The following FCRL4 variants were observed in gnomAD, a reference collection of about 807,000 sequenced individuals.
FCRL4 encodes the protein Fc receptor-like protein 4.
Under a neutral mutation model 64.1 loss-of-function variants are expected in FCRL4, and 43 were observed. That is an observed-to-expected ratio of 0.67 (90% CI 0.53 to 0.87). The LOEUF (loss-of-function observed/expected upper bound fraction) is 0.87, where lower values mean the gene tolerates loss of function less well. FCRL4 is among the 40% of genes least tolerant of loss of function. The pLI, the probability that FCRL4 is intolerant of heterozygous loss-of-function variation, is 0.00. For missense variants in FCRL4, 656 were observed against 613.5 expected (o/e 1.07, Z -0.73); for synonymous variants, 253 against 239.8 (o/e 1.05, Z -0.51).
intron 1 of FCRL4, 23 bp from the exon 2 acceptor site, chr1:157,596,371 C>A: frequency 5.6e-6 from 9 of 1,613,758 alleles, no homozygotes; most frequent in Non-Finnish European, 7.6e-6. Context: ...AAAGAGCCAG[C>A]CATCAGCGTA....
intron 6 of FCRL4, among the ~76,000 whole-genome samples, chr1:157,584,387 A>G (rs148970870): frequency 0.011 from 1,649 of 152,016 alleles, 17 homozygotes; most frequent in Non-Finnish European, 0.017. Flanking sequence ...TAAAAAAAAA[A>G]TAGCTGGCCA....
chr1:157,584,377 T>TAA (rs72402109), intron 6 of FCRL4, among the ~76,000 whole-genome samples: 2 of 148,298 alleles, frequency 1.3e-5, no homozygotes, highest in African/African-American at 2.5e-5. Context: ...AAAAATAAAT[T>TAA]AAAAAAAAAA....
intron 8 of FCRL4, among the ~76,000 whole-genome samples, chr1:157,579,710 A>ACATACATG (rs1652515828): frequency 1.8e-5 from 1 of 54,740 alleles, no homozygotes; most frequent in Non-Finnish European, 3.3e-5. Flanking sequence ...ATACATACAT[A>ACATACATG]CATACATACA....
At chr1:157,593,069 C>T (rs1307984968) in intron 2 of FCRL4, among the ~76,000 whole-genome samples, 1 of 152,112 alleles carries the variant, frequency 6.6e-6, no homozygotes, top group Non-Finnish European at 1.5e-5. Flanking sequence ...GGGAGCATCA[C>T]ACACTGGGAC....
chr1:157,574,758 A>T lies in FCRL4; in HGVS notation c.*766T>A, dbSNP rs575699734. On this transcript the variant is annotated 3_prime_UTR_variant, in exon 12 of 12. Coordinates refer to ENST00000271532, the MANE Select transcript of FCRL4 (RefSeq NM_031282.3). Reference sequence around the variant, plus strand: ...TAAAGGCAGAGTTTATTATGAGTTTATACTAATATTTTAAGTTCAAATTTA... The same window carrying T: ...TAAAGGCAGAGTTTATTATGAGTTTTTACTAATATTTTAAGTTCAAATTTA... 4 of 210,622 alleles carry T rather than the reference A, an allele frequency of 1.9e-5. No homozygotes were observed. The highest frequency in any genetic ancestry group is 3.8e-5 in the Non-Finnish European group (4 of 103,920). The allele number at this position is 210,622 out of a possible 1,614,324, so 13.0% of individuals were successfully genotyped here. A position where few individuals can be genotyped will look rare whatever the true frequency, so the allele number is the denominator to read the frequency against.
At chr1:157,579,730 ACATACATACATAC>A (rs1652517970) in intron 8 of FCRL4, among the ~76,000 whole-genome samples, 1 of 151,790 alleles carries the variant, frequency 6.6e-6, no homozygotes, top group African/African-American at 2.4e-5. Flanking sequence ...ATACATACAT[ACATACATACATAC>A]ATACATAAAA....
intron 2 of FCRL4, among the ~76,000 whole-genome samples, chr1:157,593,462 C>CAGTTACAGTATCCA (rs1652883742): frequency 6.6e-6 from 1 of 152,158 alleles, no homozygotes; most frequent in African/African-American, 2.4e-5. Context: ...CAGGTTGTCT[C>CAGTTACAGTATCCA]GCCAGTTACC....
intron 4 of FCRL4, 21 bp from the exon 5 acceptor site, chr1:157,587,581 A>G: frequency 1.2e-6 from 2 of 1,608,592 alleles, no homozygotes; most frequent in Non-Finnish European, 1.7e-6. Flanking sequence ...GAGGTAAGTC[A>G]AGTTCTGAGC....
At position 157,575,713 on chromosome 1, in the gene FCRL4, G is replaced by A. The variant is rs1281982416; in HGVS notation, c.1447C>T (p.Leu483Phe). The change falls in exon 11 of 12, where the codon CTT becomes TTT. Residue 483 changes from leucine (L) to phenylalanine (F), a missense_variant. Transcript: ENST00000271532. The stretch of plus-strand genomic sequence containing the variant: ...ATGAAACTCACCTTATCCTCTAGAA[G>A]TGTCCTGGAGGTATTAGCTGTGGAC... ...EEEEANTSRT[L>F]LEDKDVSVVY... The A allele has an allele frequency of 1.2e-6, 2 of 1,613,786 alleles. No individual in the cohort carries two copies. The highest frequency in any genetic ancestry group is 1.7e-5 in the Admixed American group (1 of 60,008).
chr1:157,590,143 A>C (rs1379429390), intron 2 of FCRL4, among the ~76,000 whole-genome samples: 1 of 152,110 alleles, frequency 6.6e-6, no homozygotes, highest in Non-Finnish European at 1.5e-5. Context: ...TAGTCCACCC[A>C]CCAGAGCTTG....
chr1:157,577,467 A>C (rs1278422564), intron 10 of FCRL4, among the ~76,000 whole-genome samples: 1 of 152,246 alleles, frequency 6.6e-6, no homozygotes, highest in Non-Finnish European at 1.5e-5. Flanking sequence ...ACTAACAGGG[A>C]CTGGATTTAT....
rs1652368976 is a variant in FCRL4, at chr1:157,575,068, C to T, written c.*456G>A. ...TTTGCACAGTGCCTGTGCAGCCACT[C>T]ACAGTTAAACAAACTGATGCAAGTG... is the stretch of plus-strand genomic sequence containing the variant. On this transcript the variant is annotated 3_prime_UTR_variant, in exon 12 of 12. Transcript: ENST00000271532. The T allele has an allele frequency of 3.8e-6, 1 of 260,476 alleles. No individual in the cohort carries two copies. Among genetic ancestry groups the T allele is most frequent in the South Asian group, 1.1e-4 (1 of 9,154 alleles). 16.1% of individuals were successfully genotyped at this position (260,476 alleles called of 1,614,324 possible). A position where few individuals can be genotyped will look rare whatever the true frequency, so the allele number is the denominator to read the frequency against.
At chr1:157,585,535 A>G (rs1652672129) in intron 6 of FCRL4, among the ~76,000 whole-genome samples, 1 of 152,018 alleles carries the variant, frequency 6.6e-6, no homozygotes, top group Non-Finnish European at 1.5e-5. Context: ...AGCTTGGCCC[A>G]GTGTGGCTTC....
chr1:157,587,832 A>G, intron 4 of FCRL4, 33 bp downstream of exon 4: 1 of 1,576,688 alleles, frequency 6.3e-7, no homozygotes, highest in Non-Finnish European at 8.7e-7. Flanking sequence ...CCCTGTCATT[A>G]CTAAGCAAAT....
Position 157,581,517 on chromosome 1 carries a change from A to C in FCRL4, c.1249+14T>G, listed in dbSNP as rs1167153753. On this transcript the variant is annotated intron_variant, in intron 7 of 11. Transcript: ENST00000271532. ...GAACAGGGCAGGAACTGTGGCAAAG[A>C]AAAGAGCACAAACCTGACTTCCTCC... The C allele has an allele frequency of 4.3e-6, 7 of 1,611,344 alleles. No individual in the cohort carries two copies. Among genetic ancestry groups the C allele is most frequent in the Non-Finnish European group, 5.9e-6 (7 of 1,177,814 alleles).
rs112714349 is a variant in FCRL4 at position 157,582,219 on chromosome 1, A to G, written c.1136-575T>C. On this transcript the variant is annotated intron_variant, in intron 6 of 11. Transcript: ENST00000271532. ...ATTGTTAGGGGCTTTTGATATTTCC[A>G]TGGGGTCCGTTCTCCTATCCTTTCA... is the stretch of plus-strand genomic sequence containing the variant. Among the ~76,000 whole-genome samples the G allele has an allele frequency of 6.4e-3, 973 of 152,324 alleles. 9 individuals carry two copies. The highest frequency in any genetic ancestry group is 0.021 in the African/African-American group (868 of 41,562).
intron 9 of FCRL4, 108 bp downstream of exon 9, chr1:157,578,662 T>C: frequency 1.4e-6 from 2 of 1,406,914 alleles, no homozygotes; most frequent in Non-Finnish European, 2.0e-6. Context: ...TCTGGGAATA[T>C]CTGGATTTGG....
intron 6 of FCRL4, 115 bp from the exon 7 acceptor site, chr1:157,581,759 G>T: frequency 1.3e-6 from 1 of 771,692 alleles, no homozygotes; most frequent in Non-Finnish European, 2.1e-6. Flanking sequence ...TAAAGGACTA[G>T]GTCTCATAAA....
At position 157,574,309 on chromosome 1, in the gene FCRL4, A is replaced by C. The variant is rs1652354265; in HGVS notation, c.*1215T>G. The stretch of plus-strand genomic sequence containing the variant: ...GGTTGCAATCCCATAATGTTATTTA[A>C]ACAAATTCCTTTTCTCCATGCATTT... On this transcript the variant is annotated 3_prime_UTR_variant, in exon 12 of 12. Transcript: ENST00000271532. 4.6e-6 allele frequency: 1 copy of C among 215,638 alleles called. No homozygotes were observed. Among genetic ancestry groups the C allele is most frequent in the Non-Finnish European group, 9.3e-6 (1 of 106,952 alleles). 13.4% of individuals were successfully genotyped at this position (215,638 alleles called of 1,614,324 possible). A position where few individuals can be genotyped will look rare whatever the true frequency, so the allele number is the denominator to read the frequency against.
Sources: gnomAD v4.1 joint callset for allele counts (sites outside exome capture counted in the v4.1 genomes callset) on GRCh38, gnomAD v4.1.1 for gene constraint, MANE v1.5 for transcripts, NCBI Gene and HGNC (gene_info 2026-07-23, HGNC 2026-07-21) for gene names.